Variants in PDE3A observed in about 807,000 individuals in gnomAD.
PDE3A encodes the protein cGMP-inhibited 3',5'-cyclic phosphodiesterase 3A.
Under a neutral mutation model 98.3 loss-of-function variants are expected in PDE3A, and 43 were observed. That is an observed-to-expected ratio of 0.44 (90% confidence interval 0.34 to 0.56). The LOEUF is 0.56. Among genes scored for constraint, PDE3A ranks in the 20% least tolerant of loss-of-function variants. The probability of loss-of-function intolerance (pLI) is 0.01; values close to 1 mark genes in which losing one functional copy is unlikely to be tolerated. For synonymous variants in PDE3A, 663 were observed against 567.9 expected (o/e 1.17, Z -2.38); for missense variants, 1,427 against 1,440.7 (o/e 0.99, Z 0.15).
chr12:20,671,404 A>G (rs1284829355), intron 15 of PDE3A, among the ~76,000 whole-genome samples: 1 of 152,202 alleles, frequency 6.6e-6, no homozygotes, highest in Admixed American at 6.5e-5. Flanking sequence ...AAAAAAAGAT[A>G]ATTTTAGACC....
intron 2 of PDE3A, among the ~76,000 whole-genome samples, chr12:20,591,643 C>T (rs1369262878): frequency 3.9e-5 from 6 of 152,174 alleles, no homozygotes; most frequent in Non-Finnish European, 5.9e-5. Context: ...TTTTGAGCCC[C>T]GTAAGTCCAG....
chr12:20,537,341 T>G (rs1226960762), intron 1 of PDE3A, among the ~76,000 whole-genome samples: 1 of 152,136 alleles, frequency 6.6e-6, no homozygotes, highest in Non-Finnish European at 1.5e-5. Context: ...TTGACAATAT[T>G]TTCTCTCAGT....
chr12:20,567,731 A>G (rs1461746946), intron 2 of PDE3A, among the ~76,000 whole-genome samples: 1 of 151,902 alleles, frequency 6.6e-6, no homozygotes, highest in African/African-American at 2.4e-5. Flanking sequence ...AAGGACTTTA[A>G]TAGAAGCTTA....
At chr12:20,463,308 A>G (rs1394417059) in intron 1 of PDE3A, among the ~76,000 whole-genome samples, 2 of 152,204 alleles carry the variant, frequency 1.3e-5, no homozygotes, top group African/African-American at 2.4e-5. Context: ...AGAGCTGGAG[A>G]TAAATATGTG....
chr12:20,549,323 A>G (rs937341339), intron 1 of PDE3A, among the ~76,000 whole-genome samples: 25 of 151,128 alleles, frequency 1.7e-4, no homozygotes, highest in Non-Finnish European at 3.4e-4. Context: ...TAGTGGCCAG[A>G]ATGCTGTAAT....
intron 14 of PDE3A, among the ~76,000 whole-genome samples, chr12:20,651,675 T>G (rs957757662): frequency 6.6e-6 from 1 of 152,210 alleles, no homozygotes; most frequent in Non-Finnish European, 1.5e-5. Flanking sequence ...ATATTAATGG[T>G]AATAAATTGA....
chr12:20,589,000 G>C (rs563886128), intron 2 of PDE3A, among the ~76,000 whole-genome samples: 16 of 152,334 alleles, frequency 1.1e-4, no homozygotes, highest in African/African-American at 3.6e-4. Flanking sequence ...TGGGCTCCCT[G>C]CAAGCTCCGC....
At chr12:20,422,249 G>GAC (rs1944529409) in intron 1 of PDE3A, among the ~76,000 whole-genome samples, 1 of 152,026 alleles carries the variant, frequency 6.6e-6, no homozygotes, top group Non-Finnish European at 1.5e-5. Flanking sequence ...GGGAGGCTGA[G>GAC]GGGAGAATGG....
chr12:20,370,629 G>A (rs1011461785), intron 1 of PDE3A, among the ~76,000 whole-genome samples: 2 of 151,608 alleles, frequency 1.3e-5, no homozygotes, highest in Admixed American at 6.6e-5. Flanking sequence ...TTAGATTTTA[G>A]CAATGAGTGA....
intron 2 of PDE3A, among the ~76,000 whole-genome samples, chr12:20,608,703 C>T (rs1943773234): frequency 6.6e-6 from 1 of 151,882 alleles, no homozygotes; most frequent in African/African-American, 2.4e-5. Flanking sequence ...TAAAAAGACA[C>T]ACAATTTGAT....
chr12:20,466,794 T>C (rs936186711), intron 1 of PDE3A, among the ~76,000 whole-genome samples: 2 of 152,206 alleles, frequency 1.3e-5, no homozygotes, highest in Non-Finnish European at 2.9e-5. Flanking sequence ...AGTGTTTTCT[T>C]TTCTTTCTTC....
At chr12:20,487,086 AAAGAG>A (rs1945739417) in intron 1 of PDE3A, among the ~76,000 whole-genome samples, 1 of 152,224 alleles carries the variant, frequency 6.6e-6, no homozygotes, top group South Asian at 2.1e-4. Flanking sequence ...TTTAAAAAAT[AAAGAG>A]AAGTATGTGA....
At chr12:20,423,209 G>T (rs1303502304) in intron 1 of PDE3A, among the ~76,000 whole-genome samples, 1 of 151,980 alleles carries the variant, frequency 6.6e-6, no homozygotes. Flanking sequence ...GTAAAATTGA[G>T]CCCAATAAAT....
intron 1 of PDE3A, among the ~76,000 whole-genome samples, chr12:20,519,969 CTCATT>C (rs1221764815): frequency 6.6e-6 from 1 of 152,108 alleles, no homozygotes; most frequent in African/African-American, 2.4e-5. Context: ...GTCCTTAATC[CTCATT>C]TCAATGATGA....
intron 1 of PDE3A, among the ~76,000 whole-genome samples, chr12:20,408,135 G>A (rs1944267935): frequency 6.6e-6 from 1 of 152,022 alleles, no homozygotes; most frequent in African/African-American, 2.4e-5. Flanking sequence ...TGGTCAGGCT[G>A]GTCTCGAACT....
intron 1 of PDE3A, among the ~76,000 whole-genome samples, chr12:20,532,534 TC>T (rs1168625268): frequency 1.3e-5 from 2 of 151,932 alleles, no homozygotes; most frequent in African/African-American, 4.9e-5. Context: ...TTCTCTGGTT[TC>T]TTACAAATAC....
intron 2 of PDE3A, 93 bp downstream of exon 2, chr12:20,556,803 C>G (rs1227514045): frequency 1.1e-6 from 1 of 884,406 alleles, no homozygotes; most frequent in Non-Finnish European, 1.9e-6. Flanking sequence ...AAATGTGGAG[C>G]GAGGAAGAGG....
intron 2 of PDE3A, among the ~76,000 whole-genome samples, chr12:20,559,268 T>C (rs988292836): frequency 3.9e-5 from 6 of 152,142 alleles, no homozygotes; most frequent in African/African-American, 1.4e-4. Context: ...GGCTACAGCA[T>C]ATAGCCTAGG....
intron 1 of PDE3A, among the ~76,000 whole-genome samples, chr12:20,454,671 A>G (rs1945124435): frequency 1.3e-5 from 2 of 151,884 alleles, no homozygotes; most frequent in South Asian, 2.1e-4. Flanking sequence ...ATTCCCCTCT[A>G]TGTGTCCATG....
Sources: gnomAD v4.1 joint callset for allele counts (sites outside exome capture counted in the v4.1 genomes callset) on GRCh38, gnomAD v4.1.1 for gene constraint, MANE v1.5 for transcripts, NCBI Gene and HGNC (gene_info 2026-07-23, HGNC 2026-07-21) for gene names.